The following DPYSL3 variants were observed in gnomAD, a reference collection of about 807,000 sequenced individuals.
DPYSL3 encodes dihydropyrimidinase-related protein 3.
DPYSL3 carries 16 observed loss-of-function variants against 66.1 expected under a neutral mutation model. That is an observed-to-expected ratio of 0.24 (90% confidence interval 0.16 to 0.37). The LOEUF (loss-of-function observed/expected upper bound fraction) is 0.37. Ranked by LOEUF, DPYSL3 falls within the 10% of genes least tolerant of loss-of-function variation. The probability of loss-of-function intolerance (pLI) is 1.00; values close to 1 mark genes in which losing one functional copy is unlikely to be tolerated. For missense variants in DPYSL3, 738 were observed against 916.2 expected, an observed-to-expected ratio of 0.81 and a Z score of 2.51; for synonymous variants, 338 against 345.1, an observed-to-expected ratio of 0.98 and a Z score of 0.23.
chr5:147,467,627 C>T (rs1753029703), intron 1 of DPYSL3, among the ~76,000 whole-genome samples: 1 of 152,218 alleles, frequency 6.6e-6, no homozygotes, highest in African/African-American at 2.4e-5. Context: ...TTCAGTACCT[C>T]ACAGCTACAA....
At chr5:147,506,338 C>T (rs1753685141) in intron 1 of DPYSL3, among the ~76,000 whole-genome samples, 1 of 152,004 alleles carries the variant, frequency 6.6e-6, no homozygotes, top group Non-Finnish European at 1.5e-5. Context: ...CTAACAGCAG[C>T]TTACGTGAAA....
At chr5:147,493,820 G>T (rs968383660) in intron 1 of DPYSL3, among the ~76,000 whole-genome samples, 1 of 152,184 alleles carries the variant, frequency 6.6e-6, no homozygotes, top group Non-Finnish European at 1.5e-5. Context: ...CATGCAAGCT[G>T]CTCTTGGACC....
chr5:147,491,975 A>G (rs1334017783), intron 1 of DPYSL3, among the ~76,000 whole-genome samples: 2 of 152,158 alleles, frequency 1.3e-5, no homozygotes, highest in African/African-American at 4.8e-5. Context: ...TAAACATCAA[A>G]AAAAACCCTT....
chr5:147,411,932 G>A (rs747992522), intron 6 of DPYSL3, among the ~76,000 whole-genome samples: 6 of 150,836 alleles, frequency 4.0e-5, no homozygotes, highest in African/African-American at 4.9e-5. Context: ...TTTTTTTTTC[G>A]GGCTGTCTCC....
At position 147,440,125 on chromosome 5, in the gene DPYSL3, A is replaced by T. The variant is rs369345127; in HGVS notation, c.382-15162T>A. Among the ~76,000 whole-genome samples the T allele has an allele frequency of 2.0e-5, 3 of 152,058 alleles. No homozygotes were observed. The South Asian group carries it at 6.2e-4, about 32-fold the overall frequency. On this transcript the variant is annotated intron_variant, in intron 1 of 13. Transcript: ENST00000343218. ...AGCCCATCCTGGCTAACACTGTGAA[A>T]CCCCGTCTCTACTAAAAATACAAAA... is the stretch of plus-strand genomic sequence containing the variant.
intron 1 of DPYSL3, among the ~76,000 whole-genome samples, chr5:147,450,359 C>T (rs1306562288): frequency 6.6e-6 from 1 of 152,106 alleles, no homozygotes; most frequent in Non-Finnish European, 1.5e-5. Flanking sequence ...TCAATTAATC[C>T]ATTTAAGTGA....
rs1248488818 is a variant in DPYSL3, at chr5:147,472,045, C to T, written c.381+37433G>A. Among the ~76,000 whole-genome samples, 4 of 152,270 alleles carry T rather than the reference C, an allele frequency of 2.6e-5. No homozygotes were observed. The East Asian group carries it at 7.7e-4, about 29-fold the overall frequency. Reference sequence around the variant, plus strand: ...AATTCTGTGAGACCATAGCAATCAACCTCCTCCATCTTACAGCTGAAGCAC... The same window carrying T: ...AATTCTGTGAGACCATAGCAATCAATCTCCTCCATCTTACAGCTGAAGCAC... On this transcript the variant is annotated intron_variant, in intron 1 of 13. Transcript: ENST00000343218.
At chr5:147,413,357 C>T (rs1214334106) in intron 5 of DPYSL3, among the ~76,000 whole-genome samples, 2 of 152,204 alleles carry the variant, frequency 1.3e-5, no homozygotes, top group Non-Finnish European at 2.9e-5. Flanking sequence ...TGTTCCTCCT[C>T]TTGCCGTTTA....
chr5:147,453,682 G>T, intron 1 of DPYSL3: 1 of 1,441,310 alleles, frequency 6.9e-7, no homozygotes. Flanking sequence ...CCGAGATCAG[G>T]TGGAGTGAAT....
intron 1 of DPYSL3, among the ~76,000 whole-genome samples, chr5:147,440,922 T>C (rs1752519735): frequency 6.6e-6 from 1 of 152,238 alleles, no homozygotes; most frequent in Non-Finnish European, 1.5e-5. Flanking sequence ...AATAATGATG[T>C]AACTTGAGGT....
chr5:147,444,844 T>A (rs192161685), intron 1 of DPYSL3, among the ~76,000 whole-genome samples: 544 of 152,152 alleles, frequency 3.6e-3, no homozygotes, highest in Non-Finnish European at 5.5e-3. Flanking sequence ...ACAAAACCAT[T>A]CCATGTAAAT....
intron 12 of DPYSL3, 118 bp downstream of exon 12, chr5:147,397,548 C>T (rs1758027012): frequency 9.0e-7 from 1 of 1,105,582 alleles, no homozygotes; most frequent in African/African-American, 1.6e-5. Flanking sequence ...ACAAGACTGT[C>T]ACTGAATTTC....
intron 1 of DPYSL3, among the ~76,000 whole-genome samples, chr5:147,500,001 C>T (rs373347892): frequency 8.9e-4 from 135 of 152,122 alleles, no homozygotes; most frequent in African/African-American, 3.0e-3. Context: ...AAAAAAAAAT[C>T]ATAACACGGA....
intron 1 of DPYSL3, among the ~76,000 whole-genome samples, chr5:147,434,921 T>C (rs1025444152): frequency 6.6e-6 from 1 of 152,230 alleles, no homozygotes; most frequent in Non-Finnish European, 1.5e-5. Flanking sequence ...CTCTCTTCAA[T>C]GTATCAATAT....
chr5:147,408,775 T>A lies in DPYSL3; in HGVS notation c.985A>T (p.Met329Leu). Residue 329 changes from methionine to leucine, a missense_variant, in exon 7 of 14, where the codon ATG becomes TTG. By Grantham distance (15) the Met-to-Leu change is conservative. Coordinates refer to ENST00000343218, the MANE Select transcript of DPYSL3 (RefSeq NM_001197294.2). ...IAQEQTRMLE[M>L]GITGPEGHVL... ...TGGCCTTCTGGGCCAGTTATCCCCA[T>A]TTCCAACATGCGGGTTTGCTCCTGA... 6.2e-7 allele frequency: 1 copy of A among 1,614,208 alleles called. No individual in the cohort carries two copies. Among genetic ancestry groups the A allele is most frequent in the South Asian group, 1.1e-5 (1 of 91,082 alleles).
rs115811839 is a variant in DPYSL3 at position 147,459,428 on chromosome 5, G to C, written c.382-34465C>G. Among the ~76,000 whole-genome samples, 446 of 152,134 alleles carry C rather than the reference G, an allele frequency of 2.9e-3. 2 individuals carry two copies. The highest frequency in any genetic ancestry group is 0.01 in the Middle Eastern group (3 of 294). ...TTAATCTTAGAGCTGCCTTAATTAAGCATTTGGGTCCATTAATTTTTACCT... is the reference window on the plus strand; with the variant it reads ...TTAATCTTAGAGCTGCCTTAATTAACCATTTGGGTCCATTAATTTTTACCT... On this transcript the variant is annotated intron_variant, in intron 1 of 13. Transcript: ENST00000343218.
chr5:147,490,971 T>C (rs1753407056), intron 1 of DPYSL3, among the ~76,000 whole-genome samples: 1 of 152,152 alleles, frequency 6.6e-6, no homozygotes, highest in South Asian at 2.1e-4. Context: ...CCTGCTTCTG[T>C]CAGGGAGAGG....
chr5:147,495,949 G>T (rs189739732), intron 1 of DPYSL3, among the ~76,000 whole-genome samples: 5 of 152,092 alleles, frequency 3.3e-5, no homozygotes, highest in Non-Finnish European at 5.9e-5. Context: ...AAGTCAATCC[G>T]AAGACAAAAG....
intron 1 of DPYSL3, among the ~76,000 whole-genome samples, chr5:147,444,617 T>C (rs1380979199): frequency 6.6e-6 from 1 of 152,172 alleles, no homozygotes; most frequent in Non-Finnish European, 1.5e-5. Flanking sequence ...AAGGCTCTAG[T>C]GATTACCATT....
Sources: gnomAD v4.1 joint callset for allele counts (sites outside exome capture counted in the v4.1 genomes callset) on GRCh38, gnomAD v4.1.1 for gene constraint, MANE v1.5 for transcripts, NCBI Gene and HGNC (gene_info 2026-07-23, HGNC 2026-07-21) for gene names.